Variants in HIVEP3 observed in about 807,000 individuals in gnomAD.
The protein encoded by HIVEP3 is HIVEP zinc finger 3, also known as transcription factor HIVEP3.
A neutral mutation model predicts 152.8 loss-of-function variants in HIVEP3; 49 were observed. The ratio of observed to expected loss-of-function variants is 0.32; its 90% confidence interval spans 0.26 to 0.41. The LOEUF (loss-of-function observed/expected upper bound fraction) is 0.41. Ranked by LOEUF, HIVEP3 falls within the 10% of genes least tolerant of loss-of-function variation. The pLI is 1.00. For synonymous variants in HIVEP3, 1,269 were observed against 1,289.0 expected (o/e 0.98, Z 0.33); for missense variants, 2,790 against 3,103.3 (o/e 0.90, Z 2.40).
At chr1:41,554,945 G>T (rs1468825410) in intron 5 of HIVEP3, among the ~76,000 whole-genome samples, 1 of 152,198 alleles carries the variant, frequency 6.6e-6, no homozygotes, top group East Asian at 1.9e-4. Context: ...GGCTACACGG[G>T]GGTCAAGAAC....
chr1:41,911,286 T>C (rs1274766049), intron 1 of HIVEP3, among the ~76,000 whole-genome samples: 2 of 152,182 alleles, frequency 1.3e-5, no homozygotes, highest in African/African-American at 2.4e-5. Context: ...ATCAAATGTA[T>C]ATAAATTGAA....
intron 1 of HIVEP3, among the ~76,000 whole-genome samples, chr1:41,912,745 C>T (rs750816525): frequency 6.6e-6 from 1 of 152,142 alleles, no homozygotes; most frequent in Non-Finnish European, 1.5e-5. Context: ...AAGTTCTTTA[C>T]CAGACGCTTC....
At chr1:41,595,743 TA>T (rs1244720878) in intron 3 of HIVEP3, among the ~76,000 whole-genome samples, 1 of 152,096 alleles carries the variant, frequency 6.6e-6, no homozygotes, top group African/African-American at 2.4e-5. Context: ...GTGTCCAGGA[TA>T]AAAGCAGGTA....
rs926061548 is a variant in HIVEP3 at position 41,662,262 on chromosome 1, T to A, written c.-720-33315A>T. 6.9e-6 allele frequency: 1 copy of A among 144,574 alleles called. No homozygotes were observed. The highest frequency in any genetic ancestry group is 2.5e-5 in the African/African-American group (1 of 40,248). 9.0% of individuals were successfully genotyped at this position (144,574 alleles called of 1,614,324 possible). The stretch of plus-strand genomic sequence containing the variant: ...CGCGCTCGGCTCCGCCCGGCTCGGC[T>A]CCGCCCGGCGGTGCCCCAGGCGCTC... On this transcript the variant is annotated intron_variant, in intron 2 of 8. Coordinates refer to ENST00000372583, the MANE Select transcript of HIVEP3 (RefSeq NM_024503.5). The surrounding 1 kb of genome is among the most constrained non-coding windows in gnomAD (Gnocchi z 7.2).
intron 5 of HIVEP3, among the ~76,000 whole-genome samples, chr1:41,539,695 C>T (rs537327938): frequency 2.0e-5 from 3 of 152,330 alleles, no homozygotes; most frequent in African/African-American, 7.2e-5. Flanking sequence ...CTCACAGTGA[C>T]CAGGCCCTCG....
At chr1:42,006,624 C>T (rs1645461084) in intron 1 of HIVEP3, among the ~76,000 whole-genome samples, 1 of 149,292 alleles carries the variant, frequency 6.7e-6, no homozygotes, top group Non-Finnish European at 1.5e-5. Context: ...TTTAGTGAGT[C>T]TCTTTAATGT....
intron 1 of HIVEP3, among the ~76,000 whole-genome samples, chr1:41,715,796 GGCTTCAT>G: frequency 6.6e-6 from 1 of 152,190 alleles, no homozygotes; most frequent in South Asian, 2.1e-4. Context: ...TCAAACACCA[GGCTTCAT>G]GCCTATAATA....
chr1:41,736,088 C>T (rs527470465), intron 1 of HIVEP3, among the ~76,000 whole-genome samples: 10 of 152,294 alleles, frequency 6.6e-5, no homozygotes, highest in Admixed American at 3.3e-4. Context: ...AGCCAGTGCC[C>T]GCCCAGGGTG....
intron 1 of HIVEP3, among the ~76,000 whole-genome samples, chr1:41,742,878 C>T (rs1013024740): frequency 6.6e-6 from 1 of 152,158 alleles, no homozygotes; most frequent in African/African-American, 2.4e-5. Context: ...GTCTCTAAAG[C>T]TGGGCCCCTA....
At chr1:41,593,314 GT>G (rs1043207679) in intron 3 of HIVEP3, among the ~76,000 whole-genome samples, 1 of 151,498 alleles carries the variant, frequency 6.6e-6, no homozygotes, top group Non-Finnish European at 1.5e-5. Context: ...TCTGCGACTT[GT>G]TTTTTTTCTT....
intron 1 of HIVEP3, among the ~76,000 whole-genome samples, chr1:41,805,840 G>A (rs1211279199): frequency 1.3e-5 from 2 of 152,086 alleles, no homozygotes; most frequent in African/African-American, 4.8e-5. Context: ...ACCTCTTTTG[G>A]GGGTCTGATT....
intron 1 of HIVEP3, among the ~76,000 whole-genome samples, chr1:42,012,100 T>C (rs1264420778): frequency 2.0e-5 from 3 of 152,160 alleles, no homozygotes; most frequent in Non-Finnish European, 4.4e-5. Flanking sequence ...CCCTGGAACA[T>C]TTCCTCTGGT....
intron 1 of HIVEP3, among the ~76,000 whole-genome samples, chr1:41,941,553 C>T (rs1331033530): frequency 6.6e-6 from 1 of 152,050 alleles, no homozygotes; most frequent in African/African-American, 2.4e-5. Flanking sequence ...TAGGGAAGGA[C>T]ATGGCTTGAG....
intron 1 of HIVEP3, among the ~76,000 whole-genome samples, chr1:41,786,299 A>T (rs1649343442): frequency 6.6e-6 from 1 of 152,342 alleles, no homozygotes; most frequent in Non-Finnish European, 1.5e-5. Context: ...GGCACACACC[A>T]GGCACTCAGT....
intron 1 of HIVEP3, among the ~76,000 whole-genome samples, chr1:41,911,473 A>T (rs1028144759): frequency 3.3e-5 from 5 of 152,232 alleles, no homozygotes; most frequent in Admixed American, 3.3e-4. Context: ...ATATGACACC[A>T]TAGAATTCTG....
At chr1:41,740,248 C>T (rs1258651915) in intron 1 of HIVEP3, among the ~76,000 whole-genome samples, 2 of 152,264 alleles carry the variant, frequency 1.3e-5, no homozygotes, top group Non-Finnish European at 2.9e-5. Flanking sequence ...CCCCTTTTCT[C>T]TGATGACCAC....
upstream of HIVEP3, among the ~76,000 whole-genome samples, chr1:41,919,314 C>G (rs922245862): frequency 6.6e-6 from 1 of 152,304 alleles, no homozygotes; most frequent in Non-Finnish European, 1.5e-5. Flanking sequence ...TGTCACACCT[C>G]ACCAGCCTCT....
Position 41,582,614 on chromosome 1 carries a change from A to G in HIVEP3, c.2184T>C (p.Pro728=). 1 of 1,613,562 alleles carries G rather than the reference A, an allele frequency of 6.2e-7. No individual in the cohort carries two copies. The highest frequency in any genetic ancestry group is 8.5e-7 in the Non-Finnish European group (1 of 1,179,736). Residue 728 remains proline, a synonymous_variant, in exon 4 of 9, where the codon CCT becomes CCC. Coordinates refer to ENST00000372583, the MANE Select transcript of HIVEP3 (RefSeq NM_024503.5). The surrounding 1 kb of genome is among the most constrained non-coding windows in gnomAD (Gnocchi z 4.7). ...ACTGACTTTTTGTGGACTCAAAGGCAGGTGGCTCTTCCTCGTCCCCAAGGC... is the reference window on the plus strand; with the variant it reads ...ACTGACTTTTTGTGGACTCAAAGGCGGGTGGCTCTTCCTCGTCCCCAAGGC... The part of the protein sequence containing the change: ...EKSLGDEEEP[P]AFESTKSQFG...
chr1:41,578,331 G>C (rs1644355354), intron 4 of HIVEP3, among the ~76,000 whole-genome samples: 1 of 152,234 alleles, frequency 6.6e-6, no homozygotes, highest in South Asian at 2.1e-4. Flanking sequence ...GCTAGTAAGA[G>C]ACGCTGAAGA....
Sources: allele counts gnomAD v4.1 joint callset (sites outside exome capture counted in the v4.1 genomes callset), GRCh38; gene constraint gnomAD v4.1.1; non-coding constraint Gnocchi (gnomAD v3.1); transcripts MANE v1.5; gene names NCBI Gene and HGNC (gene_info 2026-07-23, HGNC 2026-07-21).